Variants in MCRIP2 observed in about 807,000 individuals in gnomAD.
MCRIP2 encodes the protein MAPK regulated co-repressor interacting protein 2.
Under a neutral mutation model 23.2 loss-of-function variants are expected in MCRIP2, and 21 were observed. That is an observed-to-expected ratio of 0.90 (90% CI 0.64 to 1.30). The LOEUF is 1.30. MCRIP2 is among the 50% of genes most tolerant of loss of function. The pLI is 0.00. For missense variants in MCRIP2, 234 were observed against 223.2 expected, an observed-to-expected ratio of 1.05 and a Z score of -0.31; for synonymous variants, 121 against 100.2, an observed-to-expected ratio of 1.21 and a Z score of -1.24.
At chr16:647,917 A>C (rs1596454880) in intron 4 of MCRIP2, 33 bp downstream of exon 4, 1 of 984,846 alleles carries the variant, frequency 1.0e-6, no homozygotes. Flanking sequence ...CCCAGGAGAG[A>C]CCCCCCAGCC....
Position 647,758 on chromosome 16 carries a change from C to T in MCRIP2, c.311-25C>T, listed in dbSNP as rs371119487. 11 of 1,548,080 alleles carry T rather than the reference C, an allele frequency of 7.1e-6. No individual in the cohort carries two copies. In the African/African-American group the frequency reaches 1.4e-4, roughly 19 times the overall value. On this transcript the variant is annotated intron_variant, in intron 3 of 4. Coordinates refer to ENST00000307650, the MANE Select transcript of MCRIP2 (RefSeq NM_138418.4). ...GCGATGGGGTGCCTGGGACCTGGCT[C>T]AGCCCGACTGCCCTCCTCCCACAGC... is the stretch of plus-strand genomic sequence containing the variant.
In MCRIP2 at chr16:642,222, A is replaced by G; in HGVS notation, c.155A>G (p.Gln52Arg). 2 of 1,256,850 alleles carry G rather than the reference A, an allele frequency of 1.6e-6. No individual in the cohort carries two copies. The highest frequency in any genetic ancestry group is 1.0e-6 in the Non-Finnish European group (1 of 1,001,198). The allele number at this position is 1,256,850 out of a possible 1,614,324, so 77.9% of individuals were successfully genotyped here. A position where few individuals can be genotyped will look rare whatever the true frequency, so the allele number is the denominator to read the frequency against. The part of the protein sequence containing the change: ...SQPPRAQPFA[Q>R]PPGPWPLSSP... Reference sequence around the variant, plus strand: ...CCCCCGCGGGCGCAGCCCTTTGCGCAGCCGCCGGGACCCTGGCCCCTGTCG... The same window carrying G: ...CCCCCGCGGGCGCAGCCCTTTGCGCGGCCGCCGGGACCCTGGCCCCTGTCG... The change falls in exon 2 of 5, where the codon CAG (glutamine) becomes CGG (arginine). Residue 52 changes from glutamine to arginine, a missense_variant. Physicochemically the swap from Gln to Arg is conservative, Grantham distance 43 (BLOSUM62 1). Coordinates refer to ENST00000307650, the MANE Select transcript of MCRIP2 (RefSeq NM_138418.4).
chr16:642,282 C>G, intron 2 of MCRIP2, 33 bp downstream of exon 2: 1 of 1,153,022 alleles, frequency 8.7e-7, no homozygotes, highest in African/African-American at 1.6e-5. Flanking sequence ...CCGGCCCGGC[C>G]CGGCTTCCCC....
rs548339273 is a variant in MCRIP2, at chr16:646,971, G to C, written c.183-446G>C. ...AGATGGAGGTGCTTCTGTGGGGCGAGAATGTGGCCTAGAACTACACCCAGA... is the reference window on the plus strand; with the variant it reads ...AGATGGAGGTGCTTCTGTGGGGCGACAATGTGGCCTAGAACTACACCCAGA... On this transcript the variant is annotated intron_variant, in intron 2 of 4. Coordinates refer to ENST00000307650, the MANE Select transcript of MCRIP2 (RefSeq NM_138418.4). This position sits in a 1 kb window ranked among gnomAD's most constrained non-coding sequence, Gnocchi z 6.5. 2.9e-4 allele frequency: 47 copies of C among 163,800 alleles called. 3 individuals carry two copies. In the South Asian group the frequency reaches 7.4e-3, roughly 26 times the overall value. The allele number at this position is 163,800 out of a possible 1,614,324, so 10.1% of individuals were successfully genotyped here.
At chr16:643,967 G>A (rs2037414060) in intron 2 of MCRIP2, among the ~76,000 whole-genome samples, 1 of 152,172 alleles carries the variant, frequency 6.6e-6, no homozygotes, top group Non-Finnish European at 1.5e-5. Context: ...TCTCCTCCCT[G>A]GGGTCACCCA....
At chr16:643,764 C>T (rs2037409578) in intron 2 of MCRIP2, among the ~76,000 whole-genome samples, 2 of 152,112 alleles carry the variant, frequency 1.3e-5, no homozygotes, top group South Asian at 4.1e-4. Context: ...GATCTCCTGA[C>T]CTCATGATCC....
At position 644,877 on chromosome 16, in the gene MCRIP2, G is replaced by C. The variant is rs118004915; in HGVS notation, c.183-2540G>C. ...TCAAGGCTTGTCACCCATGATGTAT[G>C]CTGGCTCTGGTTCCTGCCAGGCATG... On this transcript the variant is annotated intron_variant, in intron 2 of 4. Transcript: ENST00000307650. Among the ~76,000 whole-genome samples, 167 of 152,236 alleles carry C rather than the reference G, an allele frequency of 1.1e-3. No individual in the cohort carries two copies. The East Asian group carries it at 0.031, about 28-fold the overall frequency.
In MCRIP2 at chr16:648,065, G is replaced by T. The variant is rs1222597199; in HGVS notation, c.413-55G>T. Reference sequence around the variant, plus strand: ...GCGGCTTGTGGTTAGCTCCAGGGGAGACTTGCCGGCTGGCCTGGGAGGCAG... The same window carrying T: ...GCGGCTTGTGGTTAGCTCCAGGGGATACTTGCCGGCTGGCCTGGGAGGCAG... On this transcript the variant is annotated intron_variant, in intron 4 of 4. Transcript: ENST00000307650. The T allele has an allele frequency of 1.3e-5, 20 of 1,525,198 alleles. No individual in the cohort carries two copies. In the South Asian group the frequency reaches 1.7e-4, roughly 13 times the overall value. 94.5% of individuals were successfully genotyped at this position (1,525,198 alleles called of 1,614,324 possible).
chr16:647,881 C>A lies in MCRIP2; in HGVS notation c.409C>A (p.Gln137Lys), dbSNP rs767779448. 2.2e-5 allele frequency: 34 copies of A among 1,531,962 alleles called. No individual in the cohort carries two copies. Among genetic ancestry groups the A allele is most frequent in the Non-Finnish European group, 2.8e-5 (32 of 1,133,930 alleles). The allele number at this position is 1,531,962 out of a possible 1,614,324, so 94.9% of individuals were successfully genotyped here. A position where few individuals can be genotyped will look rare whatever the true frequency, so the allele number is the denominator to read the frequency against. ...YVERTPNPRLQNFVPIDLDEW... is the reference protein window; with the variant it reads ...YVERTPNPRLKNFVPIDLDEW... ...GGAGAGGACCCCCAATCCCCGGCTG[C>A]AGAGTGAGCCCCCCAACCCTGTCCC... The change falls in exon 4 of 5, where the codon CAG (glutamine) becomes AAG (lysine). Residue 137 changes from glutamine (Q) to lysine (K), a missense_variant. Gln to Lys is a moderately conservative substitution (Grantham distance 53). Transcript: ENST00000307650.
At chr16:647,618 C>A in intron 3 of MCRIP2, 74 bp downstream of exon 3, 1 of 1,582,296 alleles carries the variant, frequency 6.3e-7, no homozygotes, top group Non-Finnish European at 8.6e-7. Context: ...GGCCCCACTT[C>A]AAGCTGACCC....
Position 646,901 on chromosome 16 carries a change from C to T in MCRIP2, c.183-516C>T, listed in dbSNP as rs1382200590. ...GCAGCCAGGGAGAGGGCAAAGGCCC[C>T]CGTTCCCGTCCAGGTCCATCCGTCC... On this transcript the variant is annotated intron_variant, in intron 2 of 4. Coordinates refer to ENST00000307650, the MANE Select transcript of MCRIP2 (RefSeq NM_138418.4). This position sits in a 1 kb window ranked among gnomAD's most constrained non-coding sequence, Gnocchi z 6.5. 2 of 159,748 alleles carry T rather than the reference C, an allele frequency of 1.3e-5. No homozygotes were observed. Among genetic ancestry groups the T allele is most frequent in the Non-Finnish European group, 2.8e-5 (2 of 72,400 alleles). The allele number at this position is 159,748 out of a possible 1,614,324, so 9.9% of individuals were successfully genotyped here.
chr16:641,831 G>C lies in MCRIP2; in HGVS notation c.-161G>C. Reference sequence around the variant, plus strand: ...AAAGGGCGCAAGCGCCGCCTCCGCCGCGTGTCCGGGGTCAGCCCGAGCCCG... The same window carrying C: ...AAAGGGCGCAAGCGCCGCCTCCGCCCCGTGTCCGGGGTCAGCCCGAGCCCG... On this transcript the variant is annotated 5_prime_UTR_variant, in exon 1 of 5. Coordinates refer to ENST00000307650, the MANE Select transcript of MCRIP2 (RefSeq NM_138418.4). 1.7e-6 allele frequency: 1 copy of C among 582,302 alleles called. No homozygotes were observed. Among genetic ancestry groups the C allele is most frequent in the South Asian group, 8.8e-5 (1 of 11,342 alleles). 36.1% of individuals were successfully genotyped at this position (582,302 alleles called of 1,614,324 possible).
At position 648,159 on chromosome 16, in the gene MCRIP2, A is replaced by G; in HGVS notation, c.452A>G (p.Gln151Arg). ...PIDLDEWWAQQFLARITSCS is the reference protein window; with the variant it reads ...PIDLDEWWAQRFLARITSCS ...GACCTAGACGAGTGGTGGGCGCAGC[A>G]GTTCCTGGCGAGAATCACCAGCTGT... Residue 151 changes from glutamine to arginine, a missense_variant, in exon 5 of 5, where the codon CAG becomes CGG. Transcript: ENST00000307650. 1.2e-6 allele frequency: 2 copies of G among 1,611,406 alleles called. No homozygotes were observed. Among genetic ancestry groups the G allele is most frequent in the Non-Finnish European group, 1.7e-6 (2 of 1,179,326 alleles).
chr16:642,212 C>G lies in MCRIP2; in HGVS notation c.145C>G (p.Pro49Ala). The change falls in exon 2 of 5, where the codon CCC becomes GCC. Residue 49 changes from proline to alanine, a missense_variant. By Grantham distance (27) the Pro-to-Ala change is conservative. Coordinates refer to ENST00000307650, the MANE Select transcript of MCRIP2 (RefSeq NM_138418.4). ...PPTSQPPRAQ[P>A]FAQPPGPWPL... is the part of the protein sequence containing the mutation. ...GACCTCGCAGCCCCCGCGGGCGCAG[C>G]CCTTTGCGCAGCCGCCGGGACCCTG... 1 of 1,276,262 alleles carries G rather than the reference C, an allele frequency of 7.8e-7. No individual in the cohort carries two copies. Among genetic ancestry groups the G allele is most frequent in the Non-Finnish European group, 9.9e-7 (1 of 1,011,416 alleles). 79.1% of individuals were successfully genotyped at this position (1,276,262 alleles called of 1,614,324 possible).
In MCRIP2 at chr16:642,115, C is replaced by A; in HGVS notation, c.53-5C>A. 7.4e-7 allele frequency: 1 copy of A among 1,352,974 alleles called. No homozygotes were observed. Among genetic ancestry groups the A allele is most frequent in the Non-Finnish European group, 9.5e-7 (1 of 1,053,056 alleles). The allele number at this position is 1,352,974 out of a possible 1,614,324, so 83.8% of individuals were successfully genotyped here. A position where few individuals can be genotyped will look rare whatever the true frequency, so the allele number is the denominator to read the frequency against. ...CGGCGGCTGACCGCCCCCCGGTGCC[C>A]GCAGGTCCCACGCAGCAGCAGGTGG... On this transcript the variant is annotated splice_region_variant and splice_polypyrimidine_tract_variant and intron_variant, in intron 1 of 4. Transcript: ENST00000307650.
chr16:642,294 C>A (rs958631938), intron 2 of MCRIP2, 45 bp downstream of exon 2: 7 of 1,144,494 alleles, frequency 6.1e-6, no homozygotes, highest in Non-Finnish European at 4.3e-6. Context: ...GGCTTCCCCT[C>A]CCCCGCCGGC....
chr16:647,655 C>A, intron 3 of MCRIP2, 111 bp downstream of exon 3: 1 of 1,537,318 alleles, frequency 6.5e-7, no homozygotes, highest in Non-Finnish European at 8.8e-7. Flanking sequence ...TGTGCTTTTC[C>A]TTGGCACTCT....
chr16:647,020 C>T (rs2037499830), intron 2 of MCRIP2: 1 of 214,276 alleles, frequency 4.7e-6, no homozygotes, highest in Admixed American at 5.2e-5. Flanking sequence ...GGCAGAGAGA[C>T]ATGGTCATGG....
intron 2 of MCRIP2, 74 bp from the exon 3 acceptor site, chr16:647,343 T>C (rs1313007915): frequency 6.3e-7 from 1 of 1,587,714 alleles, no homozygotes; most frequent in Non-Finnish European, 8.6e-7. Context: ...GGCCCGGGGC[T>C]GCTCCTGAGT....
Sources: allele counts gnomAD v4.1 joint callset (sites outside exome capture counted in the v4.1 genomes callset), GRCh38; gene constraint gnomAD v4.1.1; non-coding constraint Gnocchi (gnomAD v3.1); transcripts MANE v1.5; gene names NCBI Gene and HGNC (gene_info 2026-07-23, HGNC 2026-07-21).